KIF26B: variants seen among roughly 807,000 people sequenced by gnomAD.
KIF26B encodes the protein kinesin-like protein KIF26B.
A neutral mutation model predicts 151.2 loss-of-function variants in KIF26B; 63 were observed. That is an observed-to-expected ratio of 0.42 (90% CI 0.34 to 0.51). The LOEUF is 0.51. Ranked by LOEUF, KIF26B falls within the 20% of genes least tolerant of loss-of-function variation. The pLI, the probability that KIF26B is intolerant of heterozygous loss-of-function variation, is 0.07. For missense variants in KIF26B, 2,813 were observed against 2,913.6 expected (o/e 0.97, Z 0.79); for synonymous variants, 1,357 against 1,262.1 (o/e 1.08, Z -1.59).
intron 9 of KIF26B, among the ~76,000 whole-genome samples, chr1:245,637,858 T>C (rs1165688829): frequency 6.6e-6 from 1 of 151,962 alleles, no homozygotes; most frequent in Non-Finnish European, 1.5e-5. Context: ...CCATTGGTCT[T>C]CTATGTGTCT....
At chr1:245,458,376 C>T (rs1659583217) in intron 4 of KIF26B, among the ~76,000 whole-genome samples, 1 of 152,146 alleles carries the variant, frequency 6.6e-6, no homozygotes, top group Non-Finnish European at 1.5e-5. Flanking sequence ...TGCTGTTGTA[C>T]AGATAGGAAG....
chr1:245,673,381 GCGCTGC>G, intron 10 of KIF26B, among the ~76,000 whole-genome samples: 2 of 132,984 alleles, frequency 1.5e-5, no homozygotes. Context: ...TCCCCGCTGC[GCGCTGC>G]CATCTTAGGC....
intron 9 of KIF26B, among the ~76,000 whole-genome samples, chr1:245,635,498 GTCTT>G (rs762664365): frequency 2.7e-4 from 41 of 152,000 alleles, no homozygotes; most frequent in Non-Finnish European, 4.4e-4. Context: ...GATCATTTGT[GTCTT>G]TCTTTTTCCC....
intron 5 of KIF26B, among the ~76,000 whole-genome samples, chr1:245,550,750 A>C (rs1267937936): frequency 1.3e-5 from 2 of 152,200 alleles, no homozygotes; most frequent in Non-Finnish European, 2.9e-5. Flanking sequence ...ACCAATTTGT[A>C]AACTCCTCAC....
chr1:245,208,758 G>A (rs1043463842), intron 2 of KIF26B, among the ~76,000 whole-genome samples: 1 of 152,102 alleles, frequency 6.6e-6, no homozygotes, highest in Non-Finnish European at 1.5e-5. Context: ...TCCAGGAGGG[G>A]ATATAGGCCA....
In KIF26B at chr1:245,347,870, A is replaced by T. The variant is rs578253774; in HGVS notation, c.466-18964A>T. Among the ~76,000 whole-genome samples the T allele has an allele frequency of 1.8e-4, 28 of 152,362 alleles. No individual in the cohort carries two copies. In the South Asian group the frequency reaches 5.6e-3, roughly 30 times the overall value. ...TACAAATATTTGTTGACTGGCACCT[A>T]CTATGTGCCAGTTACTGTTCTAAGT... On this transcript the variant is annotated intron_variant, in intron 2 of 14. Transcript: ENST00000407071.
chr1:245,181,443 T>A (rs143039511), intron 2 of KIF26B, among the ~76,000 whole-genome samples: 13 of 151,946 alleles, frequency 8.6e-5, no homozygotes, highest in African/African-American at 3.1e-4. Flanking sequence ...CTTGATCTCA[T>A]TATGGTGTAA....
intron 4 of KIF26B, among the ~76,000 whole-genome samples, chr1:245,489,523 C>T (rs1162691447): frequency 5.3e-5 from 8 of 152,206 alleles, no homozygotes; most frequent in Admixed American, 5.2e-4. Context: ...TTTCTCCAGA[C>T]ATTCAGATAT....
At chr1:245,571,445 A>T (rs1162419568) in intron 5 of KIF26B, among the ~76,000 whole-genome samples, 1 of 152,208 alleles carries the variant, frequency 6.6e-6, no homozygotes, top group Non-Finnish European at 1.5e-5. Context: ...TTGTCATTCC[A>T]TCTCCACTAT....
At chr1:245,298,711 A>C (rs1671377780) in intron 2 of KIF26B, among the ~76,000 whole-genome samples, 1 of 152,348 alleles carries the variant, frequency 6.6e-6, no homozygotes. Flanking sequence ...CTATGCTTAG[A>C]TATGTCTTTA....
In KIF26B at chr1:245,297,875, TTTTG is replaced by T. The variant is rs61370908; in HGVS notation, c.466-68935_466-68932del. Among the ~76,000 whole-genome samples the T allele has an allele frequency of 2.7e-3, 398 of 149,960 alleles. 1 individual carries two copies. The highest frequency in any genetic ancestry group is 9.0e-3 in the African/African-American group (365 of 40,668). Reference sequence around the variant, plus strand: ...AGACTGATGCCTGATGGGCATCAGTTTTTGTTTGTTTGTTTGTTTGTTTGTTTTT... The same window carrying T: ...AGACTGATGCCTGATGGGCATCAGTTTTTGTTTGTTTGTTTGTTTGTTTTT... On this transcript the variant is annotated intron_variant, in intron 2 of 14. Coordinates refer to ENST00000407071, the MANE Select transcript of KIF26B (RefSeq NM_018012.4).
At chr1:245,623,485 A>G (rs58710065) in intron 9 of KIF26B, among the ~76,000 whole-genome samples, 3,390 of 152,280 alleles carry the variant, frequency 0.022, 140 homozygotes, top group African/African-American at 0.077. Flanking sequence ...CGATCCATTC[A>G]TCTCTTGATG....
At chr1:245,373,472 G>A (rs1673173966) in intron 3 of KIF26B, among the ~76,000 whole-genome samples, 1 of 152,192 alleles carries the variant, frequency 6.6e-6, no homozygotes, top group Non-Finnish European at 1.5e-5. Flanking sequence ...TATTTCATAG[G>A]ATTTCACTCG....
At chr1:245,283,398 A>T (rs1322093334) in intron 2 of KIF26B, among the ~76,000 whole-genome samples, 2 of 151,984 alleles carry the variant, frequency 1.3e-5, no homozygotes, top group East Asian at 3.9e-4. Context: ...TGCCCCCTAA[A>T]CCATTCATGA....
At chr1:245,598,999 G>A (rs146184230) in intron 5 of KIF26B, among the ~76,000 whole-genome samples, 1 of 152,132 alleles carries the variant, frequency 6.6e-6, no homozygotes, top group East Asian at 1.9e-4. Flanking sequence ...GAGCCCGAGA[G>A]CTGGGGAGAA....
intron 2 of KIF26B, among the ~76,000 whole-genome samples, chr1:245,293,778 A>G (rs1671293794): frequency 6.6e-6 from 1 of 151,988 alleles, no homozygotes; most frequent in South Asian, 2.1e-4. Context: ...GGGTTTCTCC[A>G]TTTTGGTCAA....
rs1340453562 is a variant in KIF26B at position 245,602,595 on chromosome 1, A to C, written c.1369A>C (p.Ile457Leu). Residue 457 changes from isoleucine (I) to leucine (L), a missense_variant, in exon 6 of 15, where the codon ATC becomes CTC. Ile to Leu is a conservative substitution (Grantham distance 5). This residue lies in a region of KIF26B where 676 missense variants were observed against 688.1 expected (regional missense o/e 0.98). Coordinates refer to ENST00000407071, the MANE Select transcript of KIF26B (RefSeq NM_018012.4). The surrounding 1 kb of genome is among the most constrained non-coding windows in gnomAD (Gnocchi z 4.5). ...GLGKVKVMLR[I>L]CSTLARDTSE... is the part of the protein sequence containing the mutation. ...TTAACAGGTGAAAGTCATGCTTCGC[A>C]TCTGTTCCACCTTGGCTCGAGATAC... 1.9e-6 allele frequency: 3 copies of C among 1,612,626 alleles called. No homozygotes were observed. The highest frequency in any genetic ancestry group is 2.7e-5 in the African/African-American group (2 of 74,928).
At chr1:245,662,162 A>G (rs927337940) in intron 10 of KIF26B, among the ~76,000 whole-genome samples, 17 of 150,524 alleles carry the variant, frequency 1.1e-4, no homozygotes, top group African/African-American at 4.9e-5. Flanking sequence ...TATATACCCA[A>G]TGACATAATA....
intron 2 of KIF26B, among the ~76,000 whole-genome samples, chr1:245,350,792 C>G (rs1285454667): frequency 6.6e-6 from 1 of 152,186 alleles, no homozygotes; most frequent in Non-Finnish European, 1.5e-5. Flanking sequence ...TCTCTTTGGT[C>G]TGCTGCTTTG....
Sources: gnomAD v4.1 joint callset for allele counts (sites outside exome capture counted in the v4.1 genomes callset) on GRCh38, gnomAD v4.1.1 for gene constraint, gnomAD v4.1.1 regional missense constraint, Gnocchi (gnomAD v3.1) non-coding constraint, MANE v1.5 for transcripts, NCBI Gene and HGNC (gene_info 2026-07-23, HGNC 2026-07-21) for gene names.